ZNF248: variants seen among roughly 807,000 people sequenced by gnomAD.
The protein encoded by ZNF248 is zinc finger protein 248.
In ZNF248, 20 loss-of-function variants were observed where a neutral mutation model predicts 44.3. The observed-to-expected ratio is 0.45, with a 90% CI of 0.32 to 0.66. The LOEUF (loss-of-function observed/expected upper bound fraction) is 0.66. Ranked by LOEUF, ZNF248 falls within the 30% of genes least tolerant of loss-of-function variation. ZNF248 has a pLI of 0.04. For missense variants in ZNF248, 654 were observed against 677.0 expected, an observed-to-expected ratio of 0.97 and a Z score of 0.38; for synonymous variants, 224 against 229.0, an observed-to-expected ratio of 0.98 and a Z score of 0.20.
chr10:37,830,568 G>A lies in ZNF248; in HGVS notation c.*1047C>T. On this transcript the variant is annotated 3_prime_UTR_variant, in exon 6 of 6. Transcript: ENST00000395867. ...CATTTATTTATGTCAGGAAATAGAA[G>A]GGGTATGTGGTTTGTATTGCCAAAT... 2 of 985,410 alleles carry A rather than the reference G, an allele frequency of 2.0e-6. No individual in the cohort carries two copies. The highest frequency in any genetic ancestry group is 2.4e-6 in the Non-Finnish European group (2 of 829,916). The allele number at this position is 985,410 out of a possible 1,614,324, so 61.0% of individuals were successfully genotyped here.
chr10:37,814,785 TTA>T (rs2052151281), intron 6 of ZNF248, among the ~76,000 whole-genome samples: 1 of 152,262 alleles, frequency 6.6e-6, no homozygotes, highest in Non-Finnish European at 1.5e-5. Context: ...TGTATGTATG[TTA>T]TGTATAAGCT....
intron 6 of ZNF248, among the ~76,000 whole-genome samples, chr10:37,807,428 G>T (rs1433463329): frequency 6.6e-6 from 1 of 152,102 alleles, no homozygotes; most frequent in Non-Finnish European, 1.5e-5. Context: ...TTCCATAGAA[G>T]TTTTTGGATA....
At chr10:37,769,974 C>T in the ZNF248 span, among the ~76,000 whole-genome samples, 2 of 152,244 alleles carry the variant, frequency 1.3e-5, no homozygotes, top group East Asian at 1.9e-4. Flanking sequence ...TCTTATACAC[C>T]AATAACAGAC....
chr10:37,832,775 G>C lies in ZNF248; in HGVS notation c.580C>G (p.Gln194Glu), dbSNP rs141123540. Residue 194 changes from glutamine (Q) to glutamate (E), a missense_variant, in exon 6 of 6, where the codon CAA becomes GAA. Gln to Glu is a conservative substitution (Grantham distance 29, BLOSUM62 2). Transcript: ENST00000395867. ...TGATAATTAATGGCATTCCTTTTTT[G>C]ATCATATTTATAAGACTTCTCTCCA... The part of the protein sequence containing the change: ...PIGEKSYKYD[Q>E]KRNAINYHQD... The C allele has an allele frequency of 4.3e-6, 7 of 1,613,150 alleles. No homozygotes were observed. In the South Asian group the frequency reaches 7.7e-5, roughly 18 times the overall value.
intron 6 of ZNF248, among the ~76,000 whole-genome samples, chr10:37,823,410 T>C (rs914952393): frequency 2.0e-5 from 3 of 147,614 alleles, no homozygotes; most frequent in Non-Finnish European, 4.5e-5. Flanking sequence ...AAATGAAACG[T>C]ATTATGTCAC....
chr10:37,818,875 T>C (rs2052998098), intron 6 of ZNF248: 1 of 1,043,584 alleles, frequency 9.6e-7, no homozygotes, highest in Non-Finnish European at 1.5e-6. Flanking sequence ...AGACTGGTTA[T>C]AGCCAAAAGG....
chr10:37,847,739 AAT>A (rs964389397), intron 3 of ZNF248, among the ~76,000 whole-genome samples: 5 of 151,308 alleles, frequency 3.3e-5, no homozygotes, highest in Non-Finnish European at 3.0e-5. Context: ...TACAAAAAAA[AAT>A]TATCTTGAAT....
chr10:37,764,049 G>C, the ZNF248 span, among the ~76,000 whole-genome samples: 1 of 152,170 alleles, frequency 6.6e-6, no homozygotes, highest in African/African-American at 2.4e-5. Context: ...AGGGAACAAG[G>C]GAGATAACCA....
intron 6 of ZNF248, chr10:37,820,970 A>G (rs2053370545): frequency 3.8e-6 from 6 of 1,593,774 alleles, no homozygotes; most frequent in Non-Finnish European, 5.1e-6. Flanking sequence ...AGGCTATGCA[A>G]TTCTTCCATC....
At chr10:37,767,396 G>C in the ZNF248 span, among the ~76,000 whole-genome samples, 1 of 152,218 alleles carries the variant, frequency 6.6e-6, no homozygotes, top group African/African-American at 2.4e-5. Context: ...TACCCACAAA[G>C]GGAAGCCCAT....
In ZNF248 at chr10:37,856,524, A is replaced by G. The variant is rs1019667340; in HGVS notation, c.-117T>C. 6.6e-6 allele frequency: 8 copies of G among 1,217,022 alleles called. No individual in the cohort carries two copies. Among genetic ancestry groups the G allele is most frequent in the Non-Finnish European group, 8.2e-6 (8 of 977,224 alleles). 75.4% of individuals were successfully genotyped at this position (1,217,022 alleles called of 1,614,324 possible). A position where few individuals can be genotyped will look rare whatever the true frequency, so the allele number is the denominator to read the frequency against. ...AATATTTCTTATTGATTTATTACCA[A>G]TTTAGGTTCTGTGACACAGAAAAAT... On this transcript the variant is annotated 5_prime_UTR_variant, in exon 2 of 6. Transcript: ENST00000395867.
At chr10:37,758,872 T>A in the ZNF248 span, among the ~76,000 whole-genome samples, 1 of 152,226 alleles carries the variant, frequency 6.6e-6, no homozygotes, top group African/African-American at 2.4e-5. Flanking sequence ...GTAAAAGCTA[T>A]CCTTCCCACA....
Position 37,831,224 on chromosome 10 carries a change from A to G in ZNF248, c.*391T>C. 3 of 1,544,340 alleles carry G rather than the reference A, an allele frequency of 1.9e-6. No individual in the cohort carries two copies. Among genetic ancestry groups the G allele is most frequent in the South Asian group, 2.4e-5 (2 of 82,538 alleles). On this transcript the variant is annotated 3_prime_UTR_variant, in exon 6 of 6. Coordinates refer to ENST00000395867, the MANE Select transcript of ZNF248 (RefSeq NM_021045.3). ...AGCATACTCAAATTTATATATTTGC[A>G]TACTCACATAAGGTCTACAAACATC...
At chr10:37,846,638 C>T (rs2059364446) in intron 3 of ZNF248, among the ~76,000 whole-genome samples, 1 of 152,108 alleles carries the variant, frequency 6.6e-6, no homozygotes, top group South Asian at 2.1e-4. Context: ...ACAGCAAGAT[C>T]CTGACTCAAG....
the ZNF248 span, among the ~76,000 whole-genome samples, chr10:37,761,813 A>G: frequency 6.6e-6 from 1 of 152,214 alleles, no homozygotes; most frequent in Non-Finnish European, 1.5e-5. Flanking sequence ...AGAAACAGAA[A>G]ATCCCAACTA....
At chr10:37,770,953 T>C in the ZNF248 span, among the ~76,000 whole-genome samples, 6 of 151,920 alleles carry the variant, frequency 3.9e-5, no homozygotes. Context: ...CATCAAAAAG[T>C]GGGTGAAGGA....
At chr10:37,795,400 C>T (rs866161213) in intron 6 of ZNF248, 9 of 152,140 alleles carry the variant, frequency 5.9e-5, no homozygotes, top group African/African-American at 1.4e-4. Flanking sequence ...CATGCGCTTA[C>T]TTTCTATTTC....
the ZNF248 span, among the ~76,000 whole-genome samples, chr10:37,762,914 T>C: frequency 1.3e-5 from 2 of 152,220 alleles, no homozygotes; most frequent in African/African-American, 4.8e-5. Context: ...ATGTACTTGA[T>C]CACTGCATTT....
At chr10:37,841,696 T>C (rs1642012807) in intron 3 of ZNF248, among the ~76,000 whole-genome samples, 1 of 152,212 alleles carries the variant, frequency 6.6e-6, no homozygotes, top group African/African-American at 2.4e-5. Flanking sequence ...TGGAGAAACA[T>C]GACCACACTA....
Sources: allele counts gnomAD v4.1 joint callset (sites outside exome capture counted in the v4.1 genomes callset), GRCh38; gene constraint gnomAD v4.1.1; transcripts MANE v1.5; gene names NCBI Gene and HGNC (gene_info 2026-07-23, HGNC 2026-07-21).